NASP: variants seen among roughly 807,000 people sequenced by gnomAD.
The protein encoded by NASP is nuclear autoantigenic sperm protein, also known as NASP histone chaperone.
NASP carries 24 observed loss-of-function variants against 89.5 expected under a neutral mutation model. That is an observed-to-expected ratio of 0.27 (90% CI 0.19 to 0.38). NASP has a LOEUF of 0.38. Among genes scored for constraint, NASP ranks in the 10% least tolerant of loss-of-function variants. NASP has a pLI of 1.00. For missense variants in NASP, 848 were observed against 921.4 expected, an observed-to-expected ratio of 0.92 and a Z score of 1.03; for synonymous variants, 306 against 324.7, an observed-to-expected ratio of 0.94 and a Z score of 0.62.
rs1644490701 is a variant in NASP, at chr1:45,584,153, A to G, written c.7A>G (p.Met3Val). The G allele has an allele frequency of 6.3e-7, 1 of 1,595,324 alleles. No individual in the cohort carries two copies. The highest frequency in any genetic ancestry group is 8.5e-7 in the Non-Finnish European group (1 of 1,171,138). MA[M>V]ESTATAAVAA... ...TCGCCACCTCAGGGGAACGATGGCC[A>G]TGGAGTCCACAGCCACTGCCGCCGT... The change falls in exon 1 of 15, where the codon ATG becomes GTG. Residue 3 changes from methionine to valine, a missense_variant. By Grantham distance (21) the Met-to-Val change is conservative. This residue lies in a region of NASP where 89 missense variants were observed against 79.2 expected (regional missense o/e 1.12). Transcript: ENST00000350030.
chr1:45,605,082 A>T, intron 4 of NASP, 66 bp downstream of exon 4: 1 of 1,273,328 alleles, frequency 7.9e-7, no homozygotes, highest in East Asian at 2.3e-5. Context: ...TTGAGATTTC[A>T]CAGGAGCTAA....
At chr1:45,616,728 T>C in intron 13 of NASP, 25 bp downstream of exon 13, 1 of 1,595,018 alleles carries the variant, frequency 6.3e-7, no homozygotes, top group South Asian at 1.1e-5. Context: ...GGTGTTTCTT[T>C]TCTACCGTTT....
intron 1 of NASP, among the ~76,000 whole-genome samples, chr1:45,584,980 A>G (rs1644509717): frequency 6.6e-6 from 1 of 152,156 alleles, no homozygotes; most frequent in South Asian, 2.1e-4. Flanking sequence ...TTTGGGGGGA[A>G]CATTACCGGA....
chr1:45,599,428 C>CTT (rs1275656957), intron 2 of NASP, among the ~76,000 whole-genome samples: 1 of 150,302 alleles, frequency 6.7e-6, no homozygotes, highest in African/African-American at 2.5e-5. Flanking sequence ...CTTTTCTTCT[C>CTT]TTTTCTTTTC....
At chr1:45,617,441 G>A (rs754416852) in intron 13 of NASP, 22 bp from the exon 14 acceptor site, 2 of 1,604,702 alleles carry the variant, frequency 1.2e-6, no homozygotes, top group Admixed American at 1.7e-5. Flanking sequence ...CATTTGTGAA[G>A]CCTTCACAAT....
intron 4 of NASP, 115 bp downstream of exon 4, chr1:45,605,131 G>A (rs1643891425): frequency 1.3e-6 from 1 of 781,344 alleles, no homozygotes; most frequent in Non-Finnish European, 2.2e-6. Flanking sequence ...GAAGGAGCTT[G>A]AAGTAGTGAT....
At chr1:45,584,353 G>A in intron 1 of NASP, 148 bp downstream of exon 1, 3 of 709,634 alleles carry the variant, frequency 4.2e-6, no homozygotes, top group South Asian at 1.9e-5. Context: ...CTGGTCACTG[G>A]AGCAGTCCTT....
chr1:45,588,164 T>A (rs1274129665), intron 1 of NASP, among the ~76,000 whole-genome samples: 2 of 152,054 alleles, frequency 1.3e-5, no homozygotes, highest in Non-Finnish European at 2.9e-5. Flanking sequence ...AGTGCACTGG[T>A]GCGATCTAGG....
intron 1 of NASP, among the ~76,000 whole-genome samples, chr1:45,586,511 A>G (rs1644553297): frequency 6.6e-6 from 1 of 152,114 alleles, no homozygotes. Flanking sequence ...TGGTCTCCCA[A>G]CGCCTAGGCT....
chr1:45,603,452 C>T (rs901891422), intron 3 of NASP, among the ~76,000 whole-genome samples: 1 of 152,144 alleles, frequency 6.6e-6, no homozygotes, highest in Admixed American at 6.5e-5. Context: ...TTTTCCTAAA[C>T]CCCTACTGCC....
chr1:45,615,502 T>A, intron 11 of NASP, 31 bp downstream of exon 11: 5 of 1,582,258 alleles, frequency 3.2e-6, no homozygotes, highest in Non-Finnish European at 4.3e-6. Context: ...GATAATAGCA[T>A]GTTTGGTACC....
Position 45,594,857 on chromosome 1 carries a change from T to C in NASP, c.107+3587T>C, listed in dbSNP as rs1292106449. 9 of 339,646 alleles carry C rather than the reference T, an allele frequency of 2.6e-5. No homozygotes were observed. The East Asian group carries it at 5.4e-4, about 21-fold the overall frequency. The allele number at this position is 339,646 out of a possible 1,614,324, so 21.0% of individuals were successfully genotyped here. On this transcript the variant is annotated intron_variant, in intron 2 of 14. Coordinates refer to ENST00000350030, the MANE Select transcript of NASP (RefSeq NM_002482.4). ...TTCTGAGAGAAACATGAAGGATGGT[T>C]GGAAAACACATTATTAGTCTCACCT... is the stretch of plus-strand genomic sequence containing the variant.
chr1:45,591,730 G>A (rs183882943), intron 2 of NASP, among the ~76,000 whole-genome samples: 20 of 152,206 alleles, frequency 1.3e-4, no homozygotes, highest in African/African-American at 4.6e-4. Context: ...ATCTACACCC[G>A]TAGTGACTAT....
chr1:45,607,509 G>C lies in NASP; in HGVS notation c.598G>C (p.Asp200His). 1.2e-6 allele frequency: 2 copies of C among 1,614,000 alleles called. No individual in the cohort carries two copies. The highest frequency in any genetic ancestry group is 1.7e-6 in the Non-Finnish European group (2 of 1,179,972). The change falls in exon 6 of 15, where the codon GAC (aspartate) becomes CAC (histidine). Residue 200 changes from aspartate to histidine, a missense_variant. Physicochemically the swap from Asp to His is moderately conservative, Grantham distance 81 (BLOSUM62 -1). This residue lies in a region of NASP where 464 missense variants were observed against 469.4 expected (regional missense o/e 0.99). Transcript: ENST00000350030. ...KSAEEPQEKV[D>H]LTLDWLTETS... ...TGCAGAGGAGCCACAGGAAAAAGTT[G>C]ACTTGACTCTAGATTGGTTAACTGA...
chr1:45,608,553 C>CTT (rs1219388255), intron 6 of NASP, among the ~76,000 whole-genome samples: 1 of 152,148 alleles, frequency 6.6e-6, no homozygotes, highest in Admixed American at 6.5e-5. Flanking sequence ...TAAACTAACA[C>CTT]TTTTACTAAC....
intron 3 of NASP, among the ~76,000 whole-genome samples, chr1:45,604,163 G>T (rs529335593): frequency 6.6e-6 from 1 of 152,196 alleles, no homozygotes; most frequent in Admixed American, 6.5e-5. Context: ...ACTCTCAATA[G>T]ACTCTTAGGC....
At chr1:45,617,209 AC>A (rs1644122096) in intron 13 of NASP, 1 of 410,952 alleles carries the variant, frequency 2.4e-6, no homozygotes, top group Non-Finnish European at 4.4e-6. Context: ...TACAGTGATT[AC>A]CATTCACATC....
At chr1:45,616,540 G>T (rs1644108099) in intron 12 of NASP, 86 bp from the exon 13 acceptor site, 2 of 1,521,546 alleles carry the variant, frequency 1.3e-6, no homozygotes, top group Non-Finnish European at 1.8e-6. Context: ...GTGAGACCTT[G>T]TCTCTGAAAA....
intron 1 of NASP, among the ~76,000 whole-genome samples, chr1:45,586,239 CGTGT>C (rs537983711): frequency 0.013 from 1,385 of 110,198 alleles, 9 homozygotes; most frequent in South Asian, 0.02. Context: ...CCTACCGTGC[CGTGT>C]GTGTGTGTGT....
Sources: allele counts gnomAD v4.1 joint callset (sites outside exome capture counted in the v4.1 genomes callset), GRCh38; gene constraint gnomAD v4.1.1; regional missense constraint gnomAD v4.1.1; transcripts MANE v1.5; gene names NCBI Gene and HGNC (gene_info 2026-07-23, HGNC 2026-07-21).